Variants in ARHGAP45 observed in about 807,000 individuals in gnomAD.
The protein encoded by ARHGAP45 is Rho GTPase activating protein 45, also known as rho GTPase-activating protein 45.
ARHGAP45 carries 56 observed loss-of-function variants against 116.1 expected under a neutral mutation model. The ratio of observed to expected loss-of-function variants is 0.48; its 90% confidence interval spans 0.39 to 0.60. The LOEUF is 0.60. Among genes scored for constraint, ARHGAP45 ranks in the 20% least tolerant of loss-of-function variants. ARHGAP45 has a pLI of 0.00. For synonymous variants in ARHGAP45, 866 were observed against 701.7 expected (o/e 1.23, Z -3.70); for missense variants, 1,622 against 1,601.0 (o/e 1.01, Z -0.22).
Position 1,074,725 on chromosome 19 carries a change from G to A in ARHGAP45, c.1104+1G>A. On this transcript the variant is annotated splice_donor_variant, in intron 9 of 22. Transcript: ENST00000313093. LOFTEE classifies it high-confidence loss of function. ...CTTGCAGACCCAGACCTTCATGCAGGTGCGTGGTGCCCGGGAGGGCGGGCT... is the reference window on the plus strand; with the variant it reads ...CTTGCAGACCCAGACCTTCATGCAGATGCGTGGTGCCCGGGAGGGCGGGCT... 1 of 1,606,210 alleles carries A rather than the reference G, an allele frequency of 6.2e-7. No homozygotes were observed. Among genetic ancestry groups the A allele is most frequent in the Non-Finnish European group, 8.5e-7 (1 of 1,177,582 alleles).
intron 2 of ARHGAP45, among the ~76,000 whole-genome samples, chr19:1,070,419 C>T: frequency 6.7e-6 from 1 of 149,714 alleles, no homozygotes; most frequent in South Asian, 2.1e-4. Flanking sequence ...CAACCTCCAC[C>T]TCCTGGGTTC....
At chr19:1,067,901 C>A (rs1428510558) in intron 1 of ARHGAP45, among the ~76,000 whole-genome samples, 1 of 142,288 alleles carries the variant, frequency 7.0e-6, no homozygotes, top group Non-Finnish European at 1.5e-5. Context: ...CTAATGGGAT[C>A]CACCAGGTTC....
rs1331840538 is a variant in ARHGAP45 at position 1,080,332 on chromosome 19, CAGA to C, written c.1787_1789del (p.Glu596del). ...CGGCCGGAGGCTGCCGGGAGCCCCC[CAGA>C]AGAAGGCGGGTGCACTGAGGGCACA... On this transcript the variant is annotated inframe_deletion, in exon 14 of 23. Coordinates refer to ENST00000313093, the MANE Select transcript of ARHGAP45 (RefSeq NM_012292.5). 6 of 1,609,874 alleles carry C rather than the reference CAGA, an allele frequency of 3.7e-6. No individual in the cohort carries two copies. The highest frequency in any genetic ancestry group is 5.1e-6 in the Non-Finnish European group (6 of 1,179,360).
upstream of ARHGAP45, chr19:1,067,164 C>T: frequency 7.3e-6 from 9 of 1,234,042 alleles, no homozygotes; most frequent in Non-Finnish European, 9.1e-6. Context: ...CACCTTCGCG[C>T]CCACTCCGCA....
rs1313846560 is a variant in ARHGAP45, at chr19:1,074,161, A to G, written c.848A>G (p.Asp283Gly). 1.2e-6 allele frequency: 2 copies of G among 1,613,456 alleles called. No individual in the cohort carries two copies. Among genetic ancestry groups the G allele is most frequent in the Non-Finnish European group, 1.7e-6 (2 of 1,180,004 alleles). Residue 283 changes from aspartate to glycine, a missense_variant, in exon 7 of 23, where the codon GAT (aspartate) becomes GGT (glycine). By Grantham distance (94) the Asp-to-Gly change is moderately conservative (BLOSUM62 -1). Coordinates refer to ENST00000313093, the MANE Select transcript of ARHGAP45 (RefSeq NM_012292.5). ...VLLQRCEGGV[D>G]AALLYAKNMA... The stretch of plus-strand genomic sequence containing the variant: ...CTACAGCGCTGTGAGGGGGGCGTGG[A>G]TGCCGCACTGCTGTATGCCAAGAAC...
intron 2 of ARHGAP45, among the ~76,000 whole-genome samples, chr19:1,072,943 C>A: frequency 6.6e-6 from 1 of 152,284 alleles, no homozygotes; most frequent in South Asian, 2.1e-4. Context: ...CCTAGGCCAA[C>A]GTCTGGCCTT....
rs1386185488 is a variant in ARHGAP45 at position 1,078,023 on chromosome 19, TGGA to T, written c.1361_1363del (p.Glu454del). The T allele has an allele frequency of 1.3e-6, 2 of 1,552,704 alleles. No homozygotes were observed. Among genetic ancestry groups the T allele is most frequent in the Non-Finnish European group, 1.7e-6 (2 of 1,146,328 alleles). On this transcript the variant is annotated inframe_deletion, in exon 11 of 23. Coordinates refer to ENST00000313093, the MANE Select transcript of ARHGAP45 (RefSeq NM_012292.5). ...AAGACCCTGGACAAGCGGCGGCGGC[TGGA>T]GGAGGAGGCCAAGAACAAGGTGAGG...
In ARHGAP45 at chr19:1,080,776, C is replaced by T; in HGVS notation, c.2007C>T (p.Ala669=). The T allele has an allele frequency of 6.2e-7, 1 of 1,613,364 alleles. No individual in the cohort carries two copies. The highest frequency in any genetic ancestry group is 2.2e-5 in the East Asian group (1 of 44,876). Residue 669 remains alanine (A), a synonymous_variant, in exon 16 of 23, where the codon GCC becomes GCT. Transcript: ENST00000313093. ...VDPDGGAGAS[A]FEQADLNGMT... Reference sequence around the variant, plus strand: ...CAGACGGTGGAGCCGGGGCTTCAGCCTTTGAGCAGGGTGAGGGTCCCCTGA... The same window carrying T: ...CAGACGGTGGAGCCGGGGCTTCAGCTTTTGAGCAGGGTGAGGGTCCCCTGA...
chr19:1,086,043 T>C lies in ARHGAP45; in HGVS notation c.*37T>C. The C allele has an allele frequency of 6.4e-7, 1 of 1,554,018 alleles. No individual in the cohort carries two copies. Among genetic ancestry groups the C allele is most frequent in the South Asian group, 1.2e-5 (1 of 86,666 alleles). On this transcript the variant is annotated 3_prime_UTR_variant, in exon 23 of 23. Coordinates refer to ENST00000313093, the MANE Select transcript of ARHGAP45 (RefSeq NM_012292.5). ...GCTGGGACCACAGGTGGCTTCTCTC[T>C]TGCCTGCTCCTGTCCCTCCAGCACG...
Position 1,086,127 on chromosome 19 carries a change from T to A in ARHGAP45, c.*121T>A. The A allele has an allele frequency of 2.2e-6, 2 of 912,706 alleles. No homozygotes were observed. Among genetic ancestry groups the A allele is most frequent in the Non-Finnish European group, 3.3e-6 (2 of 611,366 alleles). 56.5% of individuals were successfully genotyped at this position (912,706 alleles called of 1,614,324 possible). A position where few individuals can be genotyped will look rare whatever the true frequency, so the allele number is the denominator to read the frequency against. The stretch of plus-strand genomic sequence containing the variant: ...TCCTGGGGTCGCTGCCGAGAGCGCC[T>A]GGACTTCGACGTCCCACCAGCGGGC... On this transcript the variant is annotated 3_prime_UTR_variant, in exon 23 of 23. Transcript: ENST00000313093.
At chr19:1,066,068 G>C, upstream of ARHGAP45, 1 of 1,535,722 alleles carries the variant, frequency 6.5e-7, no homozygotes, top group Non-Finnish European at 8.7e-7. Flanking sequence ...GCTGGGCTGG[G>C]TTTGCACTTG....
chr19:1,080,152 C>G, intron 13 of ARHGAP45, 34 bp downstream of exon 13: 1 of 1,610,758 alleles, frequency 6.2e-7, no homozygotes, highest in Non-Finnish European at 8.5e-7. Flanking sequence ...CCCCGGCGCA[C>G]AAGGCCCTGC....
chr19:1,084,406 C>T, intron 22 of ARHGAP45, 60 bp downstream of exon 22: 1 of 1,342,682 alleles, frequency 7.4e-7, no homozygotes, highest in Non-Finnish European at 1.0e-6. Context: ...CCCATGGGCG[C>T]AGGTGCCATG....
Position 1,074,209 on chromosome 19 carries a change from T to G in ARHGAP45, c.896T>G (p.Leu299Arg), listed in dbSNP as rs2043192399. The change falls in exon 7 of 23, where the codon CTC becomes CGC. Residue 299 changes from leucine to arginine, a missense_variant. Physicochemically the swap from Leu to Arg is moderately radical, Grantham distance 102. Transcript: ENST00000313093. ...AACATGGCCAAGTACATGAAGGACC[T>G]CATCAGCTACCTGGAGAAGCGGACG... ...AKNMAKYMKD[L>R]ISYLEKRTTL... 6.2e-7 allele frequency: 1 copy of G among 1,613,234 alleles called. No homozygotes were observed. Among genetic ancestry groups the G allele is most frequent in the Non-Finnish European group, 8.5e-7 (1 of 1,179,988 alleles).
rs977382639 is a variant in ARHGAP45, at chr19:1,068,532, G to A, written c.209G>A (p.Arg70His). The change falls in exon 2 of 23, where the codon CGC becomes CAC. Residue 70 changes from arginine to histidine, a missense_variant. This residue lies in a region of ARHGAP45 where 279 missense variants were observed against 311.9 expected (regional missense o/e 0.89). Transcript: ENST00000313093. This position sits in a 1 kb window ranked among gnomAD's most constrained non-coding sequence, Gnocchi z 7.5. The stretch of plus-strand genomic sequence containing the variant: ...CTCAAGCGGCCCACCAGCCTGAGCC[G>A]CCACGCCAGCGCGGCTGGCTTCCCC... ...GTLKRPTSLS[R>H]HASAAGFPLS... The A allele has an allele frequency of 7.5e-6, 12 of 1,606,384 alleles. No individual in the cohort carries two copies. The Admixed American group carries it at 1.0e-4, about 14-fold the overall frequency.
chr19:1,077,130 T>C, intron 10 of ARHGAP45: 1 of 985,376 alleles, frequency 1.0e-6, no homozygotes, highest in Non-Finnish European at 1.2e-6. Flanking sequence ...CTAAGTGCTC[T>C]TCCTGCCAAC....
At chr19:1,078,176 C>G in intron 11 of ARHGAP45, 131 bp downstream of exon 11, 1 of 1,401,646 alleles carries the variant, frequency 7.1e-7, no homozygotes, top group Non-Finnish European at 9.5e-7. Flanking sequence ...CGGAGTCTTG[C>G]TCTGTCGCCC....
Position 1,081,791 on chromosome 19 carries a change from C to T in ARHGAP45, c.2380-33C>T, listed in dbSNP as rs902299942. On this transcript the variant is annotated intron_variant, in intron 18 of 22. Transcript: ENST00000313093. ...GCGAGGAGGCGGGAGTGGGCCGAGGCTGATGGGCCTCCCCACCCCCGGGCT... is the reference window on the plus strand; with the variant it reads ...GCGAGGAGGCGGGAGTGGGCCGAGGTTGATGGGCCTCCCCACCCCCGGGCT... The T allele has an allele frequency of 1.9e-6, 3 of 1,585,460 alleles. No homozygotes were observed. In the African/African-American group the frequency reaches 4.0e-5, roughly 21 times the overall value.
intron 11 of ARHGAP45, among the ~76,000 whole-genome samples, 168 bp from the exon 12 acceptor site, chr19:1,079,535 C>T (rs906974493): frequency 1.3e-5 from 2 of 151,144 alleles, no homozygotes; most frequent in Non-Finnish European, 3.0e-5. Context: ...GGGAGGGTCT[C>T]ACCATGTTGC....
Sources: gnomAD v4.1 joint callset for allele counts (sites outside exome capture counted in the v4.1 genomes callset) on GRCh38, gnomAD v4.1.1 for gene constraint, gnomAD v4.1.1 regional missense constraint, Gnocchi (gnomAD v3.1) non-coding constraint, MANE v1.5 for transcripts, NCBI Gene and HGNC (gene_info 2026-07-23, HGNC 2026-07-21) for gene names.